The following ZBTB41 variants were observed in gnomAD, a reference collection of about 807,000 sequenced individuals.
ZBTB41 encodes the protein zinc finger and BTB domain-containing protein 41.
Under a neutral mutation model 87.6 loss-of-function variants are expected in ZBTB41, and 42 were observed. The observed-to-expected ratio is 0.48, with a 90% CI of 0.37 to 0.62. The LOEUF (loss-of-function observed/expected upper bound fraction) is 0.62, where lower values mean the gene tolerates loss of function less well. Among genes scored for constraint, ZBTB41 ranks in the 20% least tolerant of loss-of-function variants. The pLI is 0.00. For synonymous variants in ZBTB41, 364 were observed against 364.0 expected (o/e 1.00, Z 0.00); for missense variants, 799 against 1,078.9 (o/e 0.74, Z 3.63).
chr1:197,188,257 G>A (rs374561582), intron 5 of ZBTB41, 35 bp downstream of exon 5: 29 of 1,606,374 alleles, frequency 1.8e-5, no homozygotes, highest in Non-Finnish European at 2.2e-5. Flanking sequence ...AATTAAAATT[G>A]TCATGACTGC....
rs150647570 is a variant in ZBTB41 at position 197,198,498 on chromosome 1, A to T, written c.1120+856T>A. Among the ~76,000 whole-genome samples the T allele has an allele frequency of 8.5e-3, 1,289 of 152,190 alleles. 17 individuals carry two copies. Among genetic ancestry groups the T allele is most frequent in the African/African-American group, 0.029 (1,214 of 41,560 alleles). ...GGTCAGATTGCAGTAATTTTTTTTT[A>T]TCATTATATGTGGTAGAATATATTT... On this transcript the variant is annotated intron_variant, in intron 2 of 10. Coordinates refer to ENST00000367405, the MANE Select transcript of ZBTB41 (RefSeq NM_194314.3).
At chr1:197,162,285 G>T (rs757100904) in intron 10 of ZBTB41, among the ~76,000 whole-genome samples, 5 of 151,986 alleles carry the variant, frequency 3.3e-5, no homozygotes, top group Admixed American at 1.3e-4. Flanking sequence ...ATAGATTAAA[G>T]AAATAAACCT....
At chr1:197,170,522 C>T (rs1659453107) in intron 10 of ZBTB41, among the ~76,000 whole-genome samples, 1 of 151,966 alleles carries the variant, frequency 6.6e-6, no homozygotes, top group South Asian at 2.1e-4. Context: ...TAATCTATTC[C>T]CAGTGTTTAC....
chr1:197,182,674 A>G (rs1294004241), intron 5 of ZBTB41, among the ~76,000 whole-genome samples: 1 of 152,176 alleles, frequency 6.6e-6, no homozygotes, highest in Non-Finnish European at 1.5e-5. Flanking sequence ...CATTAAATAC[A>G]TATCTTTCCC....
intron 7 of ZBTB41, among the ~76,000 whole-genome samples, chr1:197,177,639 C>T (rs1659642685): frequency 6.6e-6 from 1 of 151,864 alleles, no homozygotes; most frequent in Non-Finnish European, 1.5e-5. Context: ...TTATAGTCAC[C>T]CAAAGACAGT....
At position 197,199,667 on chromosome 1, in the gene ZBTB41, A is replaced by C; in HGVS notation, c.807T>G (p.Asp269Glu). Residue 269 changes from aspartate to glutamate, a missense_variant, in exon 2 of 11, where the codon GAT becomes GAG. Coordinates refer to ENST00000367405, the MANE Select transcript of ZBTB41 (RefSeq NM_194314.3). ...CTGACCCATCACCACTTTCCTGTTC[A>C]TCATCGCTGGTGTCATCAAACTTAA... ...CPVKFDDTSD[D>E]EQESGDGSDN... 6.2e-7 allele frequency: 1 copy of C among 1,613,406 alleles called. No individual in the cohort carries two copies. The highest frequency in any genetic ancestry group is 1.3e-5 in the African/African-American group (1 of 74,952).
intron 10 of ZBTB41, among the ~76,000 whole-genome samples, chr1:197,163,045 C>G (rs775753112): frequency 6.6e-6 from 1 of 152,106 alleles, no homozygotes; most frequent in African/African-American, 2.4e-5. Context: ...CCCAAGAATA[C>G]TGGGAGACAG....
intron 9 of ZBTB41, among the ~76,000 whole-genome samples, chr1:197,173,829 G>A (rs887688764): frequency 6.6e-6 from 1 of 152,064 alleles, no homozygotes; most frequent in Non-Finnish European, 1.5e-5. Context: ...TCGACTGGGG[G>A]CAATTTTGCC....
At position 197,155,221 on chromosome 1, in the gene ZBTB41, CAG is replaced by C. The variant is rs1170168983; in HGVS notation, c.*4136_*4137del. 6.6e-6 allele frequency: 1 copy of C among 151,948 alleles called. No homozygotes were observed. Among genetic ancestry groups the C allele is most frequent in the Non-Finnish European group, 1.5e-5 (1 of 67,796 alleles). The allele number at this position is 151,948 out of a possible 1,614,324, so 9.4% of individuals were successfully genotyped here. A position where few individuals can be genotyped will look rare whatever the true frequency, so the allele number is the denominator to read the frequency against. On this transcript the variant is annotated 3_prime_UTR_variant, in exon 11 of 11. Coordinates refer to ENST00000367405, the MANE Select transcript of ZBTB41 (RefSeq NM_194314.3). ...TTCACAGTAACTATAAAGGCCACAACAGAGATTTTTAAAATGATATATAAATC... is the reference window on the plus strand; with the variant it reads ...TTCACAGTAACTATAAAGGCCACAACAGATTTTTAAAATGATATATAAATC...
At position 197,172,254 on chromosome 1, in the gene ZBTB41, A is replaced by C; in HGVS notation, c.1986-6T>G. ...GATGAAATGTTGCTTTATATCTAAG[A>C]AAATAAAAAGATTTGAGTTTTTCAA... On this transcript the variant is annotated splice_region_variant and splice_polypyrimidine_tract_variant and intron_variant, in intron 9 of 10. Transcript: ENST00000367405. 2.6e-6 allele frequency: 3 copies of C among 1,174,502 alleles called. No individual in the cohort carries two copies. Among genetic ancestry groups the C allele is most frequent in the Non-Finnish European group, 3.4e-6 (3 of 882,106 alleles). 72.8% of individuals were successfully genotyped at this position (1,174,502 alleles called of 1,614,324 possible).
chr1:197,175,512 T>C (rs544184605), intron 8 of ZBTB41, among the ~76,000 whole-genome samples: 124 of 145,836 alleles, frequency 8.5e-4, no homozygotes, highest in African/African-American at 2.8e-3. Flanking sequence ...TCTTACTGTT[T>C]ATAAAAAGGA....
At position 197,199,946 on chromosome 1, in the gene ZBTB41, G is replaced by C; in HGVS notation, c.528C>G (p.Asn176Lys). ...CTGAATGAAAAGGGGCAACATTTTC[G>C]TTATTTAACAACTTCACTGCATCTA... ...DIIDAVKLLN[N>K]ENVAPFHSEL... is the part of the protein sequence containing the mutation. The change falls in exon 2 of 11, where the codon AAC (asparagine) becomes AAG (lysine). Residue 176 changes from asparagine (N) to lysine (K), a missense_variant. Transcript: ENST00000367405. 5 of 1,612,976 alleles carry C rather than the reference G, an allele frequency of 3.1e-6. No homozygotes were observed. Among genetic ancestry groups the C allele is most frequent in the Non-Finnish European group, 3.4e-6 (4 of 1,179,496 alleles).
At chr1:197,184,875 C>T (rs1254395002) in intron 5 of ZBTB41, among the ~76,000 whole-genome samples, 4 of 151,904 alleles carry the variant, frequency 2.6e-5, no homozygotes, top group African/African-American at 9.7e-5. Flanking sequence ...TGTGCAATAG[C>T]GCGATCTTGA....
intron 10 of ZBTB41, among the ~76,000 whole-genome samples, chr1:197,160,821 G>A (rs948298792): frequency 6.6e-5 from 10 of 152,216 alleles, no homozygotes; most frequent in Middle Eastern, 3.4e-3. Flanking sequence ...ACCAACAGGC[G>A]TACACAGGTG....
chr1:197,177,512 A>G (rs887010191), intron 7 of ZBTB41, among the ~76,000 whole-genome samples: 1 of 152,222 alleles, frequency 6.6e-6, no homozygotes, highest in Non-Finnish European at 1.5e-5. Flanking sequence ...CCTATTCTGG[A>G]TAATTGTTAT....
At chr1:197,162,649 T>TA (rs1000455808) in intron 10 of ZBTB41, among the ~76,000 whole-genome samples, 1 of 152,116 alleles carries the variant, frequency 6.6e-6, no homozygotes, top group Admixed American at 6.6e-5. Context: ...AAAAGATTTT[T>TA]AAAAAATAAC....
intron 2 of ZBTB41, among the ~76,000 whole-genome samples, chr1:197,198,480 T>A (rs1370004600): frequency 6.6e-6 from 1 of 152,130 alleles, no homozygotes; most frequent in Non-Finnish European, 1.5e-5. Flanking sequence ...CCAGGTCAGA[T>A]TGCAGTAATT....
chr1:197,161,233 C>G (rs1387864417), intron 10 of ZBTB41, among the ~76,000 whole-genome samples: 1 of 152,084 alleles, frequency 6.6e-6, no homozygotes, highest in Non-Finnish European at 1.5e-5. Flanking sequence ...GGTTTGTTAA[C>G]AGCAGCAATA....
chr1:197,197,666 C>A (rs1660203748), intron 2 of ZBTB41, among the ~76,000 whole-genome samples: 1 of 152,016 alleles, frequency 6.6e-6, no homozygotes, highest in African/African-American at 2.4e-5. Context: ...GCAGTATTTT[C>A]CCAAATTGTG....
Sources: gnomAD v4.1 joint callset for allele counts (sites outside exome capture counted in the v4.1 genomes callset) on GRCh38, gnomAD v4.1.1 for gene constraint, MANE v1.5 for transcripts, NCBI Gene and HGNC (gene_info 2026-07-23, HGNC 2026-07-21) for gene names.